Variants in SLC4A10 observed in about 807,000 individuals in gnomAD.
SLC4A10 encodes solute carrier family 4 member 10.
In SLC4A10, 42 loss-of-function variants were observed where a neutral mutation model predicts 137.7. The observed-to-expected ratio is 0.30, with a 90% CI of 0.24 to 0.39. SLC4A10 has a LOEUF of 0.39. Ranked by LOEUF, SLC4A10 falls within the 10% of genes least tolerant of loss-of-function variation. The pLI, the probability that SLC4A10 is intolerant of heterozygous loss-of-function variation, is 1.00. For missense variants in SLC4A10, 925 were observed against 1,355.0 expected (o/e 0.68, Z 4.98); for synonymous variants, 474 against 464.1 (o/e 1.02, Z -0.27).
chr2:161,865,280 A>T (rs1216254560), intron 6 of SLC4A10, among the ~76,000 whole-genome samples: 2 of 152,070 alleles, frequency 1.3e-5, no homozygotes, highest in Non-Finnish European at 2.9e-5. Flanking sequence ...ATTAGAAGAG[A>T]TGTTAGAATT....
chr2:161,756,541 C>T (rs2049670594), intron 1 of SLC4A10, among the ~76,000 whole-genome samples: 1 of 152,114 alleles, frequency 6.6e-6, no homozygotes, highest in African/African-American at 2.4e-5. Flanking sequence ...ACTTCTGTTC[C>T]ACACAGTCAC....
At chr2:161,696,102 C>G (rs1308017878) in intron 1 of SLC4A10, among the ~76,000 whole-genome samples, 2 of 151,562 alleles carry the variant, frequency 1.3e-5, no homozygotes, top group African/African-American at 4.9e-5. Flanking sequence ...GTGATGTTCC[C>G]CTTCCTGTGT....
chr2:161,911,412 G>A (rs778134132), intron 15 of SLC4A10, among the ~76,000 whole-genome samples: 5 of 151,880 alleles, frequency 3.3e-5, no homozygotes, highest in Admixed American at 6.6e-5. Context: ...AATTTATAGC[G>A]GAACTCCCAA....
chr2:161,785,470 C>T (rs1296433542), intron 2 of SLC4A10, among the ~76,000 whole-genome samples: 1 of 151,546 alleles, frequency 6.6e-6, no homozygotes, highest in Non-Finnish European at 1.5e-5. Flanking sequence ...AAATTCTTAA[C>T]AACAAAAACT....
intron 2 of SLC4A10, among the ~76,000 whole-genome samples, chr2:161,772,257 C>A (rs535959657): frequency 6.6e-6 from 1 of 151,664 alleles, no homozygotes; most frequent in Non-Finnish European, 1.5e-5. Flanking sequence ...TCTTTGAGTT[C>A]GAAATGCCAT....
intron 1 of SLC4A10, among the ~76,000 whole-genome samples, chr2:161,664,735 T>A (rs948375301): frequency 2.0e-5 from 3 of 150,538 alleles, no homozygotes; most frequent in Admixed American, 6.7e-5. Context: ...ATTTTTAGGG[T>A]GTTGAGTTAA....
intron 1 of SLC4A10, among the ~76,000 whole-genome samples, chr2:161,735,594 G>A (rs2047262568): frequency 1.3e-5 from 2 of 152,274 alleles, no homozygotes; most frequent in African/African-American, 4.8e-5. Flanking sequence ...CAGCTATGAA[G>A]GGCAGGGCCC....
intron 1 of SLC4A10, among the ~76,000 whole-genome samples, chr2:161,676,027 GCTACA>G (rs2105818536): frequency 6.6e-6 from 1 of 152,210 alleles, no homozygotes; most frequent in Admixed American, 6.5e-5. Flanking sequence ...ATGCTAAATT[GCTACA>G]CTAGAACCTC....
intron 15 of SLC4A10, among the ~76,000 whole-genome samples, chr2:161,930,437 T>C (rs1690132426): frequency 6.6e-6 from 1 of 151,962 alleles, no homozygotes; most frequent in African/African-American, 2.4e-5. Flanking sequence ...ACTCTAGGAA[T>C]AGTACTAGAA....
intron 1 of SLC4A10, among the ~76,000 whole-genome samples, chr2:161,767,117 A>G (rs2050913671): frequency 2.0e-5 from 2 of 99,810 alleles, no homozygotes; most frequent in African/African-American, 8.1e-5. Context: ...ATATATATAT[A>G]TATATATATA....
chr2:161,799,544 G>C (rs1353822455), intron 2 of SLC4A10, among the ~76,000 whole-genome samples: 1 of 151,946 alleles, frequency 6.6e-6, no homozygotes, highest in Admixed American at 6.6e-5. Context: ...AAATGAAATG[G>C]GACAGGAAAA....
intron 21 of SLC4A10, among the ~76,000 whole-genome samples, chr2:161,963,621 C>A (rs1355786747): frequency 6.6e-6 from 1 of 152,054 alleles, no homozygotes; most frequent in Non-Finnish European, 1.5e-5. Flanking sequence ...TACTTAGCAG[C>A]TGGATAAGGG....
intron 1 of SLC4A10, among the ~76,000 whole-genome samples, chr2:161,740,329 T>C (rs2047754360): frequency 6.6e-6 from 1 of 152,126 alleles, no homozygotes; most frequent in Non-Finnish European, 1.5e-5. Context: ...CAGTTCTAGC[T>C]CCCTGCTTGT....
At chr2:161,692,811 T>C (rs1040135) in intron 1 of SLC4A10, among the ~76,000 whole-genome samples, 21,904 of 152,046 alleles carry the variant, frequency 0.14, 2,059 homozygotes, top group Middle Eastern at 0.25. Flanking sequence ...CTCGTCCAAG[T>C]TCGATGCTAC....
chr2:161,730,362 G>A (rs1363997565), intron 1 of SLC4A10, among the ~76,000 whole-genome samples: 1 of 152,092 alleles, frequency 6.6e-6, no homozygotes, highest in Non-Finnish European at 1.5e-5. Flanking sequence ...TAGGGAGACA[G>A]ATTTTGGTTT....
At chr2:161,847,028 G>A (rs1185640875) in intron 4 of SLC4A10, among the ~76,000 whole-genome samples, 2 of 151,726 alleles carry the variant, frequency 1.3e-5, no homozygotes, top group African/African-American at 4.8e-5. Context: ...CTTGAGGCCA[G>A]GAGTTCAAGA....
chr2:161,710,683 C>T (rs569469179), intron 1 of SLC4A10: 5 of 455,508 alleles, frequency 1.1e-5, no homozygotes, highest in African/African-American at 8.0e-5. Flanking sequence ...TGGTCATCTT[C>T]CTTACAAAGG....
Position 161,905,825 on chromosome 2 carries a change from T to C in SLC4A10, c.1935T>C (p.Phe645=), listed in dbSNP as rs755943914. ...IFIYEALEKL[F]ELSEAYPINM... is the part of the protein sequence containing the mutation. ...TTTATGAGGCCCTGGAGAAGTTGTT[T>C]GAACTCAGTGAAGCATATCCAATCA... Residue 645 remains phenylalanine, a synonymous_variant, in exon 15 of 27, where the codon TTT becomes TTC. Coordinates refer to ENST00000446997, the MANE Select transcript of SLC4A10 (RefSeq NM_001178015.2). The C allele has an allele frequency of 6.2e-7, 1 of 1,614,004 alleles. No homozygotes were observed. Among genetic ancestry groups the C allele is most frequent in the Admixed American group, 1.7e-5 (1 of 60,024 alleles).
intron 15 of SLC4A10, among the ~76,000 whole-genome samples, chr2:161,922,930 C>T (rs147405878): frequency 6.6e-6 from 1 of 152,154 alleles, no homozygotes; most frequent in Admixed American, 6.5e-5. Context: ...GAATCACAAA[C>T]CATAACTGTT....
Sources: gnomAD v4.1 joint callset for allele counts (sites outside exome capture counted in the v4.1 genomes callset) on GRCh38, gnomAD v4.1.1 for gene constraint, MANE v1.5 for transcripts, NCBI Gene and HGNC (gene_info 2026-07-23, HGNC 2026-07-21) for gene names.